Variants in CTPS2 observed in about 807,000 individuals in gnomAD.
CTPS2 encodes the protein CTP synthase II.
CTPS2 carries 19 observed loss-of-function variants against 46.8 expected under a neutral mutation model. The ratio of observed to expected loss-of-function variants is 0.41; its 90% CI spans 0.28 to 0.60. CTPS2 has a LOEUF of 0.60. CTPS2 is among the 20% of genes least tolerant of loss of function. The pLI is 0.35. For synonymous variants in CTPS2, 151 were observed against 165.2 expected (o/e 0.91, Z 0.66); for missense variants, 286 against 447.6 (o/e 0.64, Z 3.26).
At chrX:16,664,028 A>C (rs758744826) in intron 13 of CTPS2, among the ~76,000 whole-genome samples, 1 of 110,891 alleles carries the variant, frequency 9.0e-6, no homozygotes, top group Non-Finnish European at 1.9e-5. Flanking sequence ...AGTAGAGACA[A>C]AGTTTCACCA....
chrX:16,684,502 C>G (rs762375390), intron 8 of CTPS2, among the ~76,000 whole-genome samples: 1 of 88,729 alleles, frequency 1.1e-5, no homozygotes, highest in South Asian at 5.7e-4. Flanking sequence ...GAGCGAGACT[C>G]TGTCTCCAAA....
At chrX:16,687,957 G>C (rs1428616540) in intron 8 of CTPS2, among the ~76,000 whole-genome samples, 1 of 111,029 alleles carries the variant, frequency 9.0e-6, no homozygotes, top group Non-Finnish European at 1.9e-5. Flanking sequence ...GGGAAAAAAA[G>C]CCTAGATAGG....
At chrX:16,666,089 T>C (rs1921152664) in intron 13 of CTPS2, among the ~76,000 whole-genome samples, 1 of 112,370 alleles carries the variant, frequency 8.9e-6, no homozygotes, top group Non-Finnish European at 1.9e-5. Flanking sequence ...TTGTGGTATA[T>C]GAATTGTATC....
At chrX:16,706,898 C>G (rs761236604) in intron 1 of CTPS2, among the ~76,000 whole-genome samples, 2 of 107,717 alleles carry the variant, frequency 1.9e-5, no homozygotes, top group South Asian at 8.3e-4. Context: ...CAAAAATTAG[C>G]CGAGCATGGT....
chrX:16,635,823 A>G (rs1429942176), intron 14 of CTPS2, among the ~76,000 whole-genome samples: 1 of 112,312 alleles, frequency 8.9e-6, no homozygotes, highest in Non-Finnish European at 1.9e-5. Context: ...CACAAGTGGG[A>G]GGGCACAAGT....
chrX:16,607,895 T>C (rs1228834527), intron 17 of CTPS2, among the ~76,000 whole-genome samples: 1 of 112,940 alleles, frequency 8.9e-6, no homozygotes, highest in Non-Finnish European at 1.9e-5. Context: ...AAATAAACTC[T>C]CCCCAAACTA....
At chrX:16,592,253 T>G (rs1435071049) in intron 17 of CTPS2, among the ~76,000 whole-genome samples, 1 of 111,553 alleles carries the variant, frequency 9.0e-6, no homozygotes, top group Non-Finnish European at 1.9e-5. Context: ...AGGCACCTGC[T>G]GCTGTGCCCA....
chrX:16,690,278 G>A (rs1245475505), intron 7 of CTPS2, among the ~76,000 whole-genome samples: 1 of 109,936 alleles, frequency 9.1e-6, no homozygotes, highest in African/African-American at 3.3e-5. Context: ...GGCTGAGGCA[G>A]GAGAATCGCT....
chrX:16,682,425 C>T (rs1922820544), intron 9 of CTPS2, among the ~76,000 whole-genome samples: 2 of 111,884 alleles, frequency 1.8e-5, no homozygotes, highest in South Asian at 7.5e-4. Context: ...ACAGAGGTTG[C>T]GGTGGGCCGA....
rs1327559736 is a variant in CTPS2, at chrX:16,667,569, GAA to G, written c.1253-14_1253-13del. The G allele has an allele frequency of 2.5e-6, 3 of 1,207,993 alleles. No homozygotes were observed. The highest frequency in any genetic ancestry group is 3.4e-6 in the Non-Finnish European group (3 of 893,586). Reference sequence around the variant, plus strand: ...TGTGGAATCAGCATCTGAAGATTAAGAAAAGAGTTCAGTAATTCACCAATAGT... The same window carrying G: ...TGTGGAATCAGCATCTGAAGATTAAGAAGAGTTCAGTAATTCACCAATAGT... On this transcript the variant is annotated splice_polypyrimidine_tract_variant and intron_variant, in intron 12 of 18. Transcript: ENST00000359276.
chrX:16,709,621 C>T (rs1025162209), intron 1 of CTPS2, among the ~76,000 whole-genome samples: 26 of 109,974 alleles, frequency 2.4e-4, no homozygotes, highest in Non-Finnish European at 4.9e-4. Context: ...GAGGCCAAGG[C>T]GGGCGGATCA....
rs541214571 is a variant in CTPS2, at chrX:16,651,011, G to A, written c.1297-11768C>T. The A allele has an allele frequency of 1.2e-5, 15 of 1,203,304 alleles. 1 individual carries two copies. The highest frequency in any genetic ancestry group is 8.7e-5 in the African/African-American group (5 of 57,475). On this transcript the variant is annotated intron_variant, in intron 13 of 18. Transcript: ENST00000359276. ...CCCAATTTATAAGACACCAGAATGA[G>A]TACTAAAAAGTCTCCTGAGGAACTG...
chrX:16,601,585 G>GT (rs1478777805), intron 17 of CTPS2, among the ~76,000 whole-genome samples: 1 of 61,221 alleles, frequency 1.6e-5, no homozygotes, highest in Non-Finnish European at 3.0e-5. Flanking sequence ...GGGGGGGGGG[G>GT]TTTAAGTTCC....
intron 8 of CTPS2, 110 bp downstream of exon 8, chrX:16,689,340 G>T: frequency 1.4e-6 from 1 of 732,260 alleles, no homozygotes; most frequent in Non-Finnish European, 2.0e-6. Flanking sequence ...AGACCAAAAT[G>T]TGCACACGCA....
rs376200127 is a variant in CTPS2 at position 16,691,630 on chromosome X, C to T, written c.640-10G>A. On this transcript the variant is annotated splice_polypyrimidine_tract_variant and intron_variant, in intron 6 of 18. Coordinates refer to ENST00000359276, the MANE Select transcript of CTPS2 (RefSeq NM_175859.3). The stretch of plus-strand genomic sequence containing the variant: ...AACTTCGGCAGACAATCTGTCAAAG[C>T]CAGTTATGCTTCAGCAAACAGGATT... The T allele has an allele frequency of 9.3e-6, 11 of 1,185,993 alleles. No homozygotes were observed. Among genetic ancestry groups the T allele is most frequent in the Non-Finnish European group, 1.1e-5 (10 of 873,685 alleles).
Position 16,667,751 on chromosome X carries a change from C to T in CTPS2, c.1190-27G>A, listed in dbSNP as rs1333975217. ...TATTTTAAAAAGCACATATGCAAAG[C>T]AAATGAACTCACTTTGTATTTGTTC... On this transcript the variant is annotated intron_variant, in intron 11 of 18. Transcript: ENST00000359276. 3 of 1,151,044 alleles carry T rather than the reference C, an allele frequency of 2.6e-6. No homozygotes were observed. The Admixed American group carries it at 6.7e-5, about 26-fold the overall frequency. The allele number at this position is 1,151,044 out of a possible 1,213,427, so 94.9% of individuals were successfully genotyped here. A position where few individuals can be genotyped will look rare whatever the true frequency, so the allele number is the denominator to read the frequency against.
At chrX:16,658,105 C>G in intron 13 of CTPS2, among the ~76,000 whole-genome samples, 1 of 109,367 alleles carries the variant, frequency 9.1e-6, no homozygotes, top group Non-Finnish European at 1.9e-5. Flanking sequence ...ACTCGGGAGG[C>G]TGAGGCAGGA....
In CTPS2 at chrX:16,589,004, G is replaced by A. The variant is rs373128413; in HGVS notation, c.*813C>T. ...CAGAAATCACAGTCAAAATGCAGTC[G>A]AAACTTTGTTTCATGCACAAAATTA... On this transcript the variant is annotated 3_prime_UTR_variant, in exon 19 of 19. Coordinates refer to ENST00000359276, the MANE Select transcript of CTPS2 (RefSeq NM_175859.3). 15 of 112,187 alleles carry A rather than the reference G, an allele frequency of 1.3e-4. No homozygotes were observed. Among genetic ancestry groups the A allele is most frequent in the Admixed American group, 2.8e-4 (3 of 10,598 alleles). 9.2% of individuals were successfully genotyped at this position (112,187 alleles called of 1,213,427 possible).
At chrX:16,661,242 G>A (rs1379113312) in intron 13 of CTPS2, among the ~76,000 whole-genome samples, 1 of 112,297 alleles carries the variant, frequency 8.9e-6, no homozygotes, top group East Asian at 2.8e-4. Context: ...TTACAGGTGT[G>A]AGCCACCACA....
Sources: allele counts gnomAD v4.1 joint callset (sites outside exome capture counted in the v4.1 genomes callset), GRCh38; gene constraint gnomAD v4.1.1; transcripts MANE v1.5; gene names NCBI Gene and HGNC (gene_info 2026-07-23, HGNC 2026-07-21).